AFG2A: variants seen among roughly 807,000 people sequenced by gnomAD.
The protein encoded by AFG2A is ATPase family gene 2 protein homolog A.
At chr4:123,241,719 C>T in the AFG2A span, among the ~76,000 whole-genome samples, 1 of 152,170 alleles carries the variant, frequency 6.6e-6, no homozygotes, top group African/African-American at 2.4e-5. Context: ...TGAAAACCGG[C>T]AGAAGACAAG....
At chr4:122,963,096 T>C in the AFG2A span, among the ~76,000 whole-genome samples, 1 of 152,180 alleles carries the variant, frequency 6.6e-6, no homozygotes, top group Non-Finnish European at 1.5e-5. Context: ...CCTTCACTCA[T>C]TGAGCCAGGT....
the AFG2A span, among the ~76,000 whole-genome samples, chr4:123,156,464 G>A: frequency 6.6e-6 from 1 of 152,056 alleles, no homozygotes; most frequent in Non-Finnish European, 1.5e-5. Context: ...TTAAACATTA[G>A]CTTGTCAGGA....
the AFG2A span, among the ~76,000 whole-genome samples, chr4:122,977,855 C>G: frequency 1.3e-5 from 2 of 152,334 alleles, no homozygotes; most frequent in South Asian, 2.1e-4. Flanking sequence ...GCGTCCAGCT[C>G]TCAGCAGAGA....
the AFG2A span, among the ~76,000 whole-genome samples, chr4:123,031,133 A>G: frequency 1.3e-5 from 2 of 152,176 alleles, no homozygotes; most frequent in African/African-American, 4.8e-5. Context: ...ATGGAGCCAA[A>G]GAAGTTGGGA....
chr4:123,095,079 GTGTA>G, the AFG2A span, among the ~76,000 whole-genome samples: 2,850 of 115,602 alleles, frequency 0.025, 43 homozygotes, highest in South Asian at 0.056. Context: ...GTGTGTGTGT[GTGTA>G]TATATATATA....
the AFG2A span, among the ~76,000 whole-genome samples, chr4:123,112,666 T>G: frequency 6.6e-6 from 1 of 152,310 alleles, no homozygotes; most frequent in East Asian, 1.9e-4. Context: ...TACAGGATAA[T>G]GAATTTTTTT....
At chr4:123,226,739 A>T in the AFG2A span, among the ~76,000 whole-genome samples, 3 of 152,224 alleles carry the variant, frequency 2.0e-5, no homozygotes, top group African/African-American at 7.2e-5. Context: ...TGAGTTAGGA[A>T]GGATTCCCTC....
At chr4:122,960,686 T>G in the AFG2A span, among the ~76,000 whole-genome samples, 1 of 152,216 alleles carries the variant, frequency 6.6e-6, no homozygotes, top group Non-Finnish European at 1.5e-5. Context: ...ATTACAGCAC[T>G]TAAATCTGTC....
chr4:123,114,773 T>G, the AFG2A span, among the ~76,000 whole-genome samples: 1 of 152,240 alleles, frequency 6.6e-6, no homozygotes, highest in African/African-American at 2.4e-5. Flanking sequence ...CAGCATTGAC[T>G]GTGCTGCCTT....
the AFG2A span, among the ~76,000 whole-genome samples, chr4:122,963,351 A>G: frequency 6.6e-6 from 1 of 152,200 alleles, no homozygotes; most frequent in Non-Finnish European, 1.5e-5. Flanking sequence ...GAGTGGCTAG[A>G]GAGATGGGAA....
At chr4:123,247,259 T>C in the AFG2A span, among the ~76,000 whole-genome samples, 23 of 145,998 alleles carry the variant, frequency 1.6e-4, no homozygotes, top group African/African-American at 5.2e-4. Flanking sequence ...CTACTACTAA[T>C]ACTAACATAA....
chr4:123,271,571 C>T, the AFG2A span, among the ~76,000 whole-genome samples: 2 of 152,138 alleles, frequency 1.3e-5, no homozygotes, highest in Non-Finnish European at 2.9e-5. Flanking sequence ...GTGGCTTGTT[C>T]GGTGATTCTG....
chr4:123,208,068 A>G, the AFG2A span, among the ~76,000 whole-genome samples: 46 of 152,374 alleles, frequency 3.0e-4, no homozygotes, highest in South Asian at 7.0e-3. Flanking sequence ...TGCTACTAGC[A>G]TAAGAATAGA....
chr4:123,065,798 T>C, the AFG2A span, among the ~76,000 whole-genome samples: 1 of 152,064 alleles, frequency 6.6e-6, no homozygotes, highest in African/African-American at 2.4e-5. Context: ...CATTCTGACC[T>C]GACAAATTTA....
the AFG2A span, among the ~76,000 whole-genome samples, chr4:123,228,431 A>T: frequency 1.3e-5 from 2 of 151,932 alleles, no homozygotes; most frequent in African/African-American, 4.8e-5. Flanking sequence ...CTGGAGAAAA[A>T]AAAAAGATAA....
the AFG2A span, among the ~76,000 whole-genome samples, chr4:122,997,440 G>A: frequency 7.2e-5 from 11 of 152,104 alleles, no homozygotes; most frequent in African/African-American, 2.7e-4. Flanking sequence ...AGGTTTTCCA[G>A]GTTCATGCAT....
the AFG2A span, among the ~76,000 whole-genome samples, chr4:123,024,221 T>C: frequency 1.6e-5 from 1 of 61,206 alleles, no homozygotes; most frequent in Non-Finnish European, 3.6e-5. Flanking sequence ...CAGATCAGAC[T>C]ATAAGCAAAA....
At chr4:123,251,709 G>A in the AFG2A span, among the ~76,000 whole-genome samples, 2 of 151,994 alleles carry the variant, frequency 1.3e-5, no homozygotes, top group East Asian at 3.9e-4. Context: ...TATTTCCTAA[G>A]TCCTGTATTT....
the AFG2A span, among the ~76,000 whole-genome samples, chr4:123,014,351 C>CT: frequency 6.6e-6 from 1 of 152,224 alleles, no homozygotes; most frequent in Admixed American, 6.5e-5. Flanking sequence ...GTTGTCATAT[C>CT]TGAGTCTTAA....
Sources: allele counts gnomAD v4.1 joint callset (sites outside exome capture counted in the v4.1 genomes callset), GRCh38; gene constraint gnomAD v4.1.1; transcripts MANE v1.5; gene names NCBI Gene and HGNC (gene_info 2026-07-23, HGNC 2026-07-21).